C1QTNF7: variants seen among roughly 807,000 people sequenced by gnomAD.
C1QTNF7 encodes C1q and TNF related 7, also known as complement C1q tumor necrosis factor-related protein 7.
C1QTNF7 carries 15 observed loss-of-function variants against 19.6 expected under a neutral mutation model. That is an observed-to-expected ratio of 0.76 (90% CI 0.51 to 1.18). The LOEUF (loss-of-function observed/expected upper bound fraction) is 1.18, where lower values mean the gene tolerates loss of function less well. C1QTNF7 is among the 50% of genes most tolerant of loss of function. The pLI, the probability that C1QTNF7 is intolerant of heterozygous loss-of-function variation, is 0.00. For missense variants in C1QTNF7, 324 were observed against 359.7 expected, an observed-to-expected ratio of 0.90 and a Z score of 0.80; for synonymous variants, 142 against 137.5, an observed-to-expected ratio of 1.03 and a Z score of -0.23.
chr4:15,340,061 T>A, exon 1 of C1QTNF7: 2 of 1,056,356 alleles, frequency 1.9e-6, no homozygotes, highest in Non-Finnish European at 2.9e-6. Flanking sequence ...CATCAAGTTA[T>A]TTTTTGCATT....
At chr4:15,359,448 A>T (rs1717260917) in intron 1 of C1QTNF7, among the ~76,000 whole-genome samples, 1 of 152,150 alleles carries the variant, frequency 6.6e-6, no homozygotes, top group Admixed American at 6.5e-5. Context: ...GATTCACACT[A>T]CTTGGGTTTT....
intron 1 of C1QTNF7, among the ~76,000 whole-genome samples, chr4:15,429,448 G>C (rs550760480): frequency 6.6e-6 from 1 of 152,092 alleles, no homozygotes; most frequent in East Asian, 1.9e-4. Flanking sequence ...TGATGAATGT[G>C]ACTACTCTAG....
chr4:15,412,874 GA>G lies in C1QTNF7; in HGVS notation c.14-22860del, dbSNP rs551101068. 1.5e-3 allele frequency among the ~76,000 whole-genome samples: 226 copies of G among 152,290 alleles called. 2 individuals carry two copies. Among genetic ancestry groups the G allele is most frequent in the African/African-American group, 5.3e-3 (221 of 41,562 alleles). ...ATAGGAGACAGAGATCACATAAAAA[GA>G]ACATGAATCAATCCCTCTCAGTTTT... is the stretch of plus-strand genomic sequence containing the variant. On this transcript the variant is annotated intron_variant, in intron 1 of 2. Transcript: ENST00000295297.
upstream of C1QTNF7, chr4:15,339,840 C>T: frequency 3.0e-6 from 1 of 333,252 alleles, no homozygotes; most frequent in South Asian, 3.3e-5. Context: ...CCCACTCCTA[C>T]TTGTTCTTAA....
At chr4:15,371,580 C>G (rs903731783) in intron 1 of C1QTNF7, among the ~76,000 whole-genome samples, 1 of 152,028 alleles carries the variant, frequency 6.6e-6, no homozygotes, top group Non-Finnish European at 1.5e-5. Flanking sequence ...TTGCTATAAC[C>G]ACTACAATAA....
chr4:15,380,707 A>G (rs1281810095), intron 1 of C1QTNF7, among the ~76,000 whole-genome samples: 1 of 151,646 alleles, frequency 6.6e-6, no homozygotes, highest in East Asian at 2.0e-4. Flanking sequence ...GGCCAAGACA[A>G]GTGGATCACT....
intron 1 of C1QTNF7, among the ~76,000 whole-genome samples, chr4:15,372,423 G>C (rs1032060549): frequency 6.6e-6 from 1 of 152,162 alleles, no homozygotes; most frequent in African/African-American, 2.4e-5. Flanking sequence ...ATCCAACCAC[G>C]CTGGCACCCA....
intron 1 of C1QTNF7, among the ~76,000 whole-genome samples, chr4:15,396,604 TAGGGAC>T (rs1460110625): frequency 2.0e-5 from 3 of 151,276 alleles, no homozygotes; most frequent in African/African-American, 7.3e-5. Flanking sequence ...AAGCAGGGAG[TAGGGAC>T]AGAAAAAGGA....
Position 15,442,934 on chromosome 4 carries a change from C to G in C1QTNF7, c.*135C>G. ...TAAAGACAATTCTAGCAGAATTTAT[C>G]AAAACAAGATGAAACACAGAAAAGT... On this transcript the variant is annotated 3_prime_UTR_variant, in exon 3 of 3. Transcript: ENST00000444304. The G allele has an allele frequency of 1.1e-6, 1 of 934,870 alleles. No homozygotes were observed. The highest frequency in any genetic ancestry group is 1.5e-6 in the Non-Finnish European group (1 of 656,944). The allele number at this position is 934,870 out of a possible 1,614,324, so 57.9% of individuals were successfully genotyped here. A position where few individuals can be genotyped will look rare whatever the true frequency, so the allele number is the denominator to read the frequency against.
intron 1 of C1QTNF7, among the ~76,000 whole-genome samples, chr4:15,431,038 T>A (rs137883227): frequency 5.7e-4 from 85 of 148,658 alleles, no homozygotes; most frequent in African/African-American, 2.1e-3. Context: ...CATTTGTAGA[T>A]TAAGATAGAT....
chr4:15,410,370 G>A (rs535769631), intron 1 of C1QTNF7, among the ~76,000 whole-genome samples: 10 of 152,222 alleles, frequency 6.6e-5, no homozygotes, highest in Non-Finnish European at 1.2e-4. Context: ...GGCTGTTAAC[G>A]TGTGAGCTTT....
intron 1 of C1QTNF7, among the ~76,000 whole-genome samples, chr4:15,397,969 TC>T (rs1188279264): frequency 1.3e-5 from 2 of 152,108 alleles, no homozygotes; most frequent in African/African-American, 4.8e-5. Context: ...CACTCTCACC[TC>T]CCCTCCTCCT....
chr4:15,440,729 T>C lies in C1QTNF7; in HGVS notation c.239-1439T>C, dbSNP rs1712725630. Among the ~76,000 whole-genome samples, 7 of 152,208 alleles carry C rather than the reference T, an allele frequency of 4.6e-5. No homozygotes were observed. In the South Asian group the frequency reaches 1.5e-3, roughly 32 times the overall value. On this transcript the variant is annotated intron_variant, in intron 2 of 2. Transcript: ENST00000444304. ...CCCAGAAGCAAGTTTTTTTTACCTG[T>C]CTGGGACTCAGTTTTCTCCTCACAA...
At chr4:15,416,631 C>A (rs1719617230) in intron 1 of C1QTNF7, among the ~76,000 whole-genome samples, 2 of 152,204 alleles carry the variant, frequency 1.3e-5, no homozygotes, top group South Asian at 4.1e-4. Flanking sequence ...TCGACCCTGC[C>A]TTGATTGTAG....
chr4:15,440,661 C>T (rs558235867), intron 2 of C1QTNF7, among the ~76,000 whole-genome samples: 3 of 152,212 alleles, frequency 2.0e-5, no homozygotes, highest in African/African-American at 7.2e-5. Flanking sequence ...CCGCCTCGGC[C>T]TCCCAAAGTG....
intron 2 of C1QTNF7, among the ~76,000 whole-genome samples, chr4:15,440,726 C>G (rs1179439739): frequency 2.0e-5 from 3 of 151,926 alleles, no homozygotes; most frequent in Non-Finnish European, 2.9e-5. Context: ...TTTTTTTTAC[C>G]TGTCTGGGAC....
chr4:15,364,889 C>T (rs1413703710), intron 1 of C1QTNF7, among the ~76,000 whole-genome samples: 1 of 152,106 alleles, frequency 6.6e-6, no homozygotes, highest in East Asian at 1.9e-4. Context: ...TCTCTCTGAA[C>T]AGAGAGTAGA....
intron 1 of C1QTNF7, among the ~76,000 whole-genome samples, chr4:15,433,229 G>C (rs1012568915): frequency 1.3e-5 from 2 of 151,970 alleles, no homozygotes; most frequent in African/African-American, 4.8e-5. Flanking sequence ...TGTTGCCCAG[G>C]CTCCTCTCAA....
At chr4:15,384,846 C>A (rs1347869707) in intron 1 of C1QTNF7, among the ~76,000 whole-genome samples, 1 of 152,096 alleles carries the variant, frequency 6.6e-6, no homozygotes, top group Non-Finnish European at 1.5e-5. Context: ...CAAGTAGTGG[C>A]CTCCGGGGAG....
Sources: allele counts gnomAD v4.1 joint callset (sites outside exome capture counted in the v4.1 genomes callset), GRCh38; gene constraint gnomAD v4.1.1; transcripts MANE v1.5; gene names NCBI Gene and HGNC (gene_info 2026-07-23, HGNC 2026-07-21).